Variants in CACNA1A observed in about 807,000 individuals in gnomAD.
The protein encoded by CACNA1A is voltage-dependent P/Q-type calcium channel subunit alpha-1A.
A neutral mutation model predicts 262.4 loss-of-function variants in CACNA1A; 57 were observed. The ratio of observed to expected loss-of-function variants is 0.22; its 90% CI spans 0.18 to 0.27. The LOEUF (loss-of-function observed/expected upper bound fraction) is 0.27. CACNA1A is among the 10% of genes least tolerant of loss of function. CACNA1A has a pLI of 1.00. For synonymous variants in CACNA1A, 1,431 were observed against 1,419.3 expected (o/e 1.01, Z -0.18); for missense variants, 2,526 against 3,562.8 (o/e 0.71, Z 7.41).
intron 1 of CACNA1A, among the ~76,000 whole-genome samples, chr19:13,486,428 C>A (rs1208291112): frequency 1.3e-5 from 2 of 152,004 alleles, no homozygotes; most frequent in Non-Finnish European, 2.9e-5. Flanking sequence ...CATACACACA[C>A]ACGTCAGTTA....
At chr19:13,435,354 A>G (rs2060590482) in intron 3 of CACNA1A, among the ~76,000 whole-genome samples, 1 of 150,688 alleles carries the variant, frequency 6.6e-6, no homozygotes, top group South Asian at 2.1e-4. Context: ...AATCTGCCCA[A>G]CTCAGCCTCC....
chr19:13,356,544 C>T (rs1330344965), intron 6 of CACNA1A, among the ~76,000 whole-genome samples: 3 of 152,130 alleles, frequency 2.0e-5, no homozygotes, highest in Non-Finnish European at 4.4e-5. Context: ...TGTTTATAAC[C>T]GAGCCCTCTG....
intron 3 of CACNA1A, among the ~76,000 whole-genome samples, chr19:13,400,153 G>A (rs2059874689): frequency 6.6e-6 from 1 of 152,150 alleles, no homozygotes; most frequent in African/African-American, 2.4e-5. Context: ...AGACAGGTTG[G>A]GGAGATGGTC....
At position 13,472,162 on chromosome 19, in the gene CACNA1A, G is replaced by T. The variant is rs544923785; in HGVS notation, c.294-16950C>A. Among the ~76,000 whole-genome samples the T allele has an allele frequency of 2.6e-5, 4 of 151,790 alleles. No individual in the cohort carries two copies. The East Asian group carries it at 5.8e-4, about 22-fold the overall frequency. On this transcript the variant is annotated intron_variant, in intron 1 of 46. Coordinates refer to ENST00000360228, the MANE Select transcript of CACNA1A (RefSeq NM_001127222.2). ...TTTTTATTTTTATTTGTAGTGATGG[G>T]GTCTCCCTATGTTGCCCAGGCTGGT...
chr19:13,264,716 C>T (rs2056821361), intron 24 of CACNA1A, among the ~76,000 whole-genome samples: 2 of 152,194 alleles, frequency 1.3e-5, no homozygotes, highest in Admixed American at 6.5e-5. Flanking sequence ...TTGCTCCCTC[C>T]GACAGCATTT....
chr19:13,382,823 G>T (rs2059546452), intron 3 of CACNA1A, among the ~76,000 whole-genome samples: 1 of 152,162 alleles, frequency 6.6e-6, no homozygotes, highest in African/African-American at 2.4e-5. Flanking sequence ...TGTGCTCCAG[G>T]GAGCCTGCCT....
chr19:13,406,272 T>C (rs1163235078), intron 3 of CACNA1A, among the ~76,000 whole-genome samples: 2 of 151,216 alleles, frequency 1.3e-5, no homozygotes, highest in African/African-American at 4.9e-5. Context: ...CTGGCCAACA[T>C]AGGTGAATCC....
Position 13,236,062 on chromosome 19 carries a change from CAAGAAA to C in CACNA1A, c.4951-338_4951-333del, listed in dbSNP as rs888541497. Among the ~76,000 whole-genome samples the C allele has an allele frequency of 6.6e-6, 1 of 151,928 alleles. No individual in the cohort carries two copies. Among genetic ancestry groups the C allele is most frequent in the African/African-American group, 2.4e-5 (1 of 41,358 alleles). On this transcript the variant is annotated intron_variant, in intron 31 of 46. Coordinates refer to ENST00000360228, the MANE Select transcript of CACNA1A (RefSeq NM_001127222.2). The surrounding 1 kb of genome is among the most constrained non-coding windows in gnomAD (Gnocchi z 4.6). ...GGATGGGGAAGAAATAACAAAAGAA[CAAGAAA>C]AAGAAAATATATCCGAATCATCCAA...
In CACNA1A at chr19:13,207,529, G is replaced by A; in HGVS notation, c.7305C>T (p.Asp2435=). ...ACGCGTGTCGTACGGGGGGTGGCGC[G>A]TCGTAGGCCCCGGCCATGGCCTCCT... ...GGEEAMAGAY[D]APPPVRHASS... The change falls in exon 47 of 47, where the codon GAC becomes GAT. Residue 2435 remains aspartate, a synonymous_variant. Coordinates refer to ENST00000360228, the MANE Select transcript of CACNA1A (RefSeq NM_001127222.2). This position sits in a 1 kb window ranked among gnomAD's most constrained non-coding sequence, Gnocchi z 5.7. 1.4e-6 allele frequency: 2 copies of A among 1,440,362 alleles called. No individual in the cohort carries two copies. Among genetic ancestry groups the A allele is most frequent in the Middle Eastern group, 2.1e-4 (1 of 4,668 alleles). 89.2% of individuals were successfully genotyped at this position (1,440,362 alleles called of 1,614,324 possible). A position where few individuals can be genotyped will look rare whatever the true frequency, so the allele number is the denominator to read the frequency against.
intron 22 of CACNA1A, 30 bp from the exon 23 acceptor site, chr19:13,277,158 G>C: frequency 6.5e-7 from 1 of 1,538,758 alleles, no homozygotes; most frequent in Non-Finnish European, 9.0e-7. Context: ...GAGAGCAGTG[G>C]ATCACTGGCC....
intron 38 of CACNA1A, among the ~76,000 whole-genome samples, chr19:13,224,282 C>T (rs1179400798): frequency 6.6e-6 from 1 of 151,450 alleles, no homozygotes; most frequent in African/African-American, 2.4e-5. Context: ...CAAGATCACA[C>T]CACTGCACTT....
intron 3 of CACNA1A, among the ~76,000 whole-genome samples, chr19:13,438,526 G>A (rs1207776409): frequency 6.6e-6 from 1 of 152,224 alleles, no homozygotes; most frequent in Non-Finnish European, 1.5e-5. Context: ...AGACCATAGG[G>A]AGTGGAGCAC....
intron 6 of CACNA1A, among the ~76,000 whole-genome samples, chr19:13,346,631 TATATATA>T (rs2058770877): frequency 2.8e-4 from 1 of 3,560 alleles, no homozygotes; most frequent in Non-Finnish European, 5.2e-4. Flanking sequence ...TATATATATA[TATATATA>T]TATATATATA....
rs59575263 is a variant in CACNA1A at position 13,466,877 on chromosome 19, ATTATTTATTTAT to A, written c.294-11677_294-11666del. On this transcript the variant is annotated intron_variant, in intron 1 of 46. Transcript: ENST00000360228. ...CCTTCCCTCTCTCTTTTAAATTTCC[ATTATTTATTTAT>A]TTATTTATTTATTTATTTATTTATT... Among the ~76,000 whole-genome samples, 240 of 142,584 alleles carry A rather than the reference ATTATTTATTTAT, an allele frequency of 1.7e-3. 1 individual carries two copies. The highest frequency in any genetic ancestry group is 2.7e-3 in the Non-Finnish European group (177 of 66,538). The allele number at this position is 142,584 out of a possible 152,430, so 93.5% of individuals were successfully genotyped here.
chr19:13,218,294 G>A (rs952021861), intron 38 of CACNA1A, among the ~76,000 whole-genome samples: 4 of 152,084 alleles, frequency 2.6e-5, no homozygotes, highest in South Asian at 4.1e-4. Context: ...GCGATTTATC[G>A]TTGGGGTCTT....
Position 13,252,981 on chromosome 19 carries a change from T to C in CACNA1A, c.4866+10A>G, listed in dbSNP as rs746939321. The C allele has an allele frequency of 5.8e-6, 9 of 1,560,726 alleles. No individual in the cohort carries two copies. The African/African-American group carries it at 1.1e-4, about 19-fold the overall frequency. Reference sequence around the variant, plus strand: ...CAAGCCCATAGCTGTAGCCCCAAGGTGGTACTTACCAGAATCCCAAAAGCC... The same window carrying C: ...CAAGCCCATAGCTGTAGCCCCAAGGCGGTACTTACCAGAATCCCAAAAGCC... On this transcript the variant is annotated intron_variant, in intron 30 of 46. Coordinates refer to ENST00000360228, the MANE Select transcript of CACNA1A (RefSeq NM_001127222.2).
At position 13,389,525 on chromosome 19, in the gene CACNA1A, G is replaced by C. The variant is rs535330614; in HGVS notation, c.540-17746C>G. Among the ~76,000 whole-genome samples the C allele has an allele frequency of 3.3e-5, 5 of 152,256 alleles. No homozygotes were observed. In the South Asian group the frequency reaches 1.0e-3, roughly 32 times the overall value. ...CCTGGGCCACACCCCTTTGAGTGGT[G>C]CAAGACTTTCCTCTGTGCCCGCATC... On this transcript the variant is annotated intron_variant, in intron 3 of 46. Transcript: ENST00000360228.
intron 1 of CACNA1A, among the ~76,000 whole-genome samples, chr19:13,469,023 C>A (rs560231891): frequency 2.0e-5 from 3 of 152,058 alleles, no homozygotes; most frequent in African/African-American, 7.2e-5. Flanking sequence ...AAAAGGTGCC[C>A]CCAAGAAGTC....
intron 1 of CACNA1A, among the ~76,000 whole-genome samples, chr19:13,480,571 G>C (rs979654947): frequency 6.6e-6 from 1 of 152,070 alleles, no homozygotes; most frequent in Non-Finnish European, 1.5e-5. Flanking sequence ...GCTCACACCT[G>C]TAATCCTAGC....
Sources: gnomAD v4.1 joint callset for allele counts (sites outside exome capture counted in the v4.1 genomes callset) on GRCh38, gnomAD v4.1.1 for gene constraint, Gnocchi (gnomAD v3.1) non-coding constraint, MANE v1.5 for transcripts, NCBI Gene and HGNC (gene_info 2026-07-23, HGNC 2026-07-21) for gene names.